The following DYSF variants were observed in gnomAD, a reference collection of about 807,000 sequenced individuals.
The protein encoded by DYSF is dystrophy-associated fer-1-like 1.
A neutral mutation model predicts 274.9 loss-of-function variants in DYSF; 212 were observed. That is an observed-to-expected ratio of 0.77 (90% CI 0.69 to 0.86). The LOEUF (loss-of-function observed/expected upper bound fraction) is 0.86, where lower values mean the gene tolerates loss of function less well. Among genes scored for constraint, DYSF ranks in the 40% least tolerant of loss-of-function variants. The pLI is 0.00. For synonymous variants in DYSF, 1,091 were observed against 1,078.7 expected, an observed-to-expected ratio of 1.01 and a Z score of -0.22; for missense variants, 2,666 against 2,783.2, an observed-to-expected ratio of 0.96 and a Z score of 0.95.
intron 40 of DYSF, among the ~76,000 whole-genome samples, chr2:71,618,231 G>GGTGTGT (rs1481017592): frequency 1.5e-5 from 1 of 67,832 alleles, no homozygotes; most frequent in Non-Finnish European, 3.0e-5. Context: ...GTAGAGGTGG[G>GGTGTGT]GTGTGTGTGT....
intron 3 of DYSF, among the ~76,000 whole-genome samples, chr2:71,483,511 C>T (rs1343944418): frequency 6.6e-6 from 1 of 152,028 alleles, no homozygotes. Context: ...CAGCCAGGCT[C>T]AGGTCTCACA....
chr2:71,542,417 G>A (rs942114343), intron 17 of DYSF, among the ~76,000 whole-genome samples: 36 of 148,976 alleles, frequency 2.4e-4, no homozygotes, highest in South Asian at 1.1e-3. Flanking sequence ...GGTGTTTCTC[G>A]CAGAGGGGGA....
At chr2:71,685,045 C>T (rs1370916253) in intron 55 of DYSF, among the ~76,000 whole-genome samples, 1 of 152,240 alleles carries the variant, frequency 6.6e-6, no homozygotes, top group Admixed American at 6.5e-5. Context: ...CTGCCAGCTG[C>T]ACCCTGCACT....
At chr2:71,499,116 G>C (rs146239766) in intron 3 of DYSF, among the ~76,000 whole-genome samples, 2 of 152,234 alleles carry the variant, frequency 1.3e-5, no homozygotes, top group Non-Finnish European at 2.9e-5. Context: ...AGTTCTTGCT[G>C]TTCCCTAACA....
chr2:71,670,542 CCT>C (rs973563539), intron 51 of DYSF, among the ~76,000 whole-genome samples: 2 of 152,240 alleles, frequency 1.3e-5, no homozygotes, highest in Non-Finnish European at 2.9e-5. Flanking sequence ...CCATCACCCT[CCT>C]CTCTCCACTC....
chr2:71,626,740 C>T (rs2094213893), intron 41 of DYSF, among the ~76,000 whole-genome samples: 1 of 151,784 alleles, frequency 6.6e-6, no homozygotes, highest in South Asian at 2.1e-4. Context: ...GTTGTGTAAG[C>T]CGTAAGATTG....
At position 71,639,557 on chromosome 2, in the gene DYSF, T is replaced by C. The variant is rs368002146; in HGVS notation, c.4528-4408T>C. On this transcript the variant is annotated intron_variant, in intron 41 of 55. Transcript: ENST00000410020. ...GAGTAACTTTTCATGTCAGTAAATA[T>C]ATTTTTCCAGCATCACTTTTTAGGT... Among the ~76,000 whole-genome samples the C allele has an allele frequency of 2.2e-4, 34 of 152,336 alleles. 1 individual carries two copies. The East Asian group carries it at 4.6e-3, about 21-fold the overall frequency.
rs779638265 is a variant in DYSF, at chr2:71,686,532, C to G, written c.*40C>G. 6 of 1,612,460 alleles carry G rather than the reference C, an allele frequency of 3.7e-6. No homozygotes were observed. Among genetic ancestry groups the G allele is most frequent in the African/African-American group, 1.3e-5 (1 of 75,032 alleles). On this transcript the variant is annotated 3_prime_UTR_variant, in exon 56 of 56. Coordinates refer to ENST00000410020, the MANE Select transcript of DYSF (RefSeq NM_001130987.2). ...TGTAGAAGGGGCCGTGGGGTCCCCT[C>G]CAGCATGGGACTGGCCTGCCTCCTC...
At chr2:71,503,455 A>G (rs1427352538) in intron 4 of DYSF, 136 bp downstream of exon 4, 6 of 890,402 alleles carry the variant, frequency 6.7e-6, no homozygotes, top group Non-Finnish European at 1.1e-5. Flanking sequence ...CTCCCTGACC[A>G]GAGTTTGCAG....
chr2:71,558,242 A>C (rs1343180479), intron 22 of DYSF, among the ~76,000 whole-genome samples: 1 of 152,062 alleles, frequency 6.6e-6, no homozygotes, highest in Non-Finnish European at 1.5e-5. Flanking sequence ...CTAGGTGGGC[A>C]TGGGGGCTGT....
Position 71,589,650 on chromosome 2 carries a change from G to C in DYSF, c.3460G>C (p.Gly1154Arg). ...DSMSVSTLSF[G>R]VNRPTISCIF... ...CATGTCCGTCTCCACCTTGAGCTTC[G>C]GTGTGAACAGACCCACGATTTCCTG... The change falls in exon 31 of 56, where the codon GGT becomes CGT. Residue 1154 changes from glycine (G) to arginine (R), a missense_variant. Physicochemically the swap from Gly to Arg is moderately radical, Grantham distance 125 (BLOSUM62 -2). Around this residue, in one of 3 missense-constraint regions of DYSF, gnomAD observed 1,460 missense variants for 1,502.1 expected, o/e 0.97. Transcript: ENST00000410020. 3.1e-6 allele frequency: 5 copies of C among 1,614,084 alleles called. No individual in the cohort carries two copies. Among genetic ancestry groups the C allele is most frequent in the Non-Finnish European group, 4.2e-6 (5 of 1,180,016 alleles).
chr2:71,457,574 C>T (rs1190307921), intron 1 of DYSF, among the ~76,000 whole-genome samples: 3 of 152,180 alleles, frequency 2.0e-5, no homozygotes, highest in East Asian at 1.9e-4. Flanking sequence ...TCATCACGTG[C>T]GTGGTCCTTA....
At chr2:71,551,525 A>C (rs141452133) in intron 18 of DYSF, 82 bp from the exon 19 acceptor site, 3 of 1,211,014 alleles carry the variant, frequency 2.5e-6, no homozygotes, top group African/African-American at 1.5e-5. Flanking sequence ...GAGATGAGCT[A>C]CCTCAGGGCC....
chr2:71,528,139 GTCC>G (rs1273428159), intron 13 of DYSF, among the ~76,000 whole-genome samples, 156 bp from the exon 14 acceptor site: 1 of 152,196 alleles, frequency 6.6e-6, no homozygotes, highest in Non-Finnish European at 1.5e-5. Context: ...CTCTGAGACA[GTCC>G]TCCTTCTGGG....
At position 71,520,895 on chromosome 2, in the gene DYSF, C is replaced by A. The variant is rs373744398; in HGVS notation, c.1140C>A (p.Asp380Glu). Reference sequence around the variant, plus strand: ...GCCTTTGTGTGCTGGGGCCTGGGGACGAAGCGCCTGTGAGTACATTTCCCT... The same window carrying A: ...GCCTTTGTGTGCTGGGGCCTGGGGAAGAAGCGCCTGTGAGTACATTTCCCT... ...KTSLCVLGPG[D>E]EAPLERKDPS... Residue 380 changes from aspartate (D) to glutamate (E), a missense_variant, in exon 12 of 56, where the codon GAC becomes GAA. Asp to Glu is a conservative substitution (Grantham distance 45). Transcript: ENST00000410020. 2 of 1,614,062 alleles carry A rather than the reference C, an allele frequency of 1.2e-6. No homozygotes were observed. Among genetic ancestry groups the A allele is most frequent in the South Asian group, 2.2e-5 (2 of 91,072 alleles).
chr2:71,684,719 C>T (rs1403941496), intron 55 of DYSF, among the ~76,000 whole-genome samples: 5 of 152,182 alleles, frequency 3.3e-5, no homozygotes, highest in East Asian at 1.9e-4. Flanking sequence ...CGGCCGGCCC[C>T]GGCCTGCTGA....
At chr2:71,618,681 AT>A (rs2094011280) in intron 40 of DYSF, among the ~76,000 whole-genome samples, 1 of 99,900 alleles carries the variant, frequency 1.0e-5, no homozygotes, top group Non-Finnish European at 2.2e-5. Context: ...TGGTAGAGGG[AT>A]GTGAGTGTGT....
At chr2:71,639,090 G>A (rs2094450056) in intron 41 of DYSF, among the ~76,000 whole-genome samples, 1 of 152,190 alleles carries the variant, frequency 6.6e-6, no homozygotes, top group Non-Finnish European at 1.5e-5. Flanking sequence ...ATGATGTGGA[G>A]CATCTTTCCA....
intron 10 of DYSF, 77 bp from the exon 11 acceptor site, chr2:71,520,101 A>G: frequency 6.4e-7 from 1 of 1,555,542 alleles, no homozygotes; most frequent in Non-Finnish European, 8.9e-7. Context: ...TTTTTAATGG[A>G]ATCATATAAT....
Sources: allele counts gnomAD v4.1 joint callset (sites outside exome capture counted in the v4.1 genomes callset), GRCh38; gene constraint gnomAD v4.1.1; regional missense constraint gnomAD v4.1.1; transcripts MANE v1.5; gene names NCBI Gene and HGNC (gene_info 2026-07-23, HGNC 2026-07-21).